The following SPRED1 variants were observed in gnomAD, a reference collection of about 807,000 sequenced individuals.
SPRED1 encodes sprouty-related, EVH1 domain-containing protein 1.
Under a neutral mutation model 52.3 loss-of-function variants are expected in SPRED1, and 18 were observed. The observed-to-expected ratio is 0.34, with a 90% CI of 0.24 to 0.51. SPRED1 has a LOEUF of 0.51. Among genes scored for constraint, SPRED1 ranks in the 20% least tolerant of loss-of-function variants. The probability of loss-of-function intolerance (pLI) is 0.97; values close to 1 mark genes in which losing one functional copy is unlikely to be tolerated. For synonymous variants in SPRED1, 155 were observed against 179.7 expected (o/e 0.86, Z 1.10); for missense variants, 485 against 551.0 (o/e 0.88, Z 1.20).
At chr15:38,332,817 C>T (rs1005157088) in intron 4 of SPRED1, among the ~76,000 whole-genome samples, 1 of 152,152 alleles carries the variant, frequency 6.6e-6, no homozygotes, top group African/African-American at 2.4e-5. Flanking sequence ...AGCAAAATGC[C>T]GTGACTGGGT....
intron 1 of SPRED1, among the ~76,000 whole-genome samples, chr15:38,277,611 T>C (rs1164046586): frequency 6.6e-6 from 1 of 152,176 alleles, no homozygotes; most frequent in Non-Finnish European, 1.5e-5. Flanking sequence ...GGTAGAATGA[T>C]TTATATTCCG....
chr15:38,331,113 C>T (rs1895797027), intron 4 of SPRED1, among the ~76,000 whole-genome samples: 1 of 152,076 alleles, frequency 6.6e-6, no homozygotes, highest in Non-Finnish European at 1.5e-5. Context: ...AGGCACTTAT[C>T]AACCATAAGA....
At chr15:38,267,546 C>G (rs966872464) in intron 1 of SPRED1, among the ~76,000 whole-genome samples, 3 of 152,014 alleles carry the variant, frequency 2.0e-5, no homozygotes, top group African/African-American at 7.2e-5. Context: ...TTCTTAGATT[C>G]CTTTTTTGTT....
intron 1 of SPRED1, among the ~76,000 whole-genome samples, chr15:38,278,832 T>TTTTTTTG (rs1424049443): frequency 1.3e-5 from 2 of 148,192 alleles, no homozygotes; most frequent in East Asian, 2.0e-4. Context: ...TACACTGTTT[T>TTTTTTTG]TTTTTTTTTT....
intron 1 of SPRED1, among the ~76,000 whole-genome samples, chr15:38,266,964 T>C (rs1894319464): frequency 6.6e-6 from 1 of 152,224 alleles, no homozygotes; most frequent in African/African-American, 2.4e-5. Flanking sequence ...TACTGGCTAA[T>C]AGCAGATCAT....
At chr15:38,320,976 TTAGTA>T in intron 2 of SPRED1, among the ~76,000 whole-genome samples, 1 of 152,286 alleles carries the variant, frequency 6.6e-6, no homozygotes, top group Admixed American at 6.5e-5. Flanking sequence ...AAAGGTGTTA[TTAGTA>T]TAGTAGGCAA....
rs142805086 is a variant in SPRED1 at position 38,348,009 on chromosome 15, G to A, written c.583-1413G>A. On this transcript the variant is annotated intron_variant, in intron 5 of 6. Coordinates refer to ENST00000299084, the MANE Select transcript of SPRED1 (RefSeq NM_152594.3). ...TTCATAGACCCTGTTGACTCAGGTA[G>A]TTTTCAAAGTGTGTATGTGTTTAAG... 2.5e-3 allele frequency among the ~76,000 whole-genome samples: 385 copies of A among 152,098 alleles called. 2 individuals carry two copies. The highest frequency in any genetic ancestry group is 3.3e-3 in the Non-Finnish European group (224 of 67,888).
At chr15:38,338,038 TAAAAAAA>T (rs66632536) in intron 4 of SPRED1, among the ~76,000 whole-genome samples, 1 of 88,912 alleles carries the variant, frequency 1.1e-5, no homozygotes, top group Non-Finnish European at 2.2e-5. Flanking sequence ...CCATTGCTAC[TAAAAAAA>T]AAAAAAAAAA....
intron 4 of SPRED1, chr15:38,325,934 T>G (rs1895703065): frequency 6.6e-6 from 1 of 152,176 alleles, no homozygotes; most frequent in South Asian, 2.1e-4. Flanking sequence ...GGGAATGATT[T>G]TTGACTAATG....
At chr15:38,306,457 G>A (rs1226518440) in intron 2 of SPRED1, among the ~76,000 whole-genome samples, 2 of 152,134 alleles carry the variant, frequency 1.3e-5, no homozygotes, top group Non-Finnish European at 2.9e-5. Context: ...CAATTTTGCT[G>A]TGAAGAATTG....
chr15:38,262,765 A>C (rs1176730447), intron 1 of SPRED1, among the ~76,000 whole-genome samples: 1 of 152,222 alleles, frequency 6.6e-6, no homozygotes, highest in Non-Finnish European at 1.5e-5. Flanking sequence ...ACTGGTTAGT[A>C]ATAAGATGAA....
At chr15:38,327,733 CA>C (rs1436774276) in intron 4 of SPRED1, among the ~76,000 whole-genome samples, 1 of 152,144 alleles carries the variant, frequency 6.6e-6, no homozygotes, top group Non-Finnish European at 1.5e-5. Context: ...GACTATGAGC[CA>C]GAATCACCCA....
intron 3 of SPRED1, among the ~76,000 whole-genome samples, chr15:38,323,369 C>T (rs554696627): frequency 2.6e-5 from 4 of 151,910 alleles, no homozygotes; most frequent in African/African-American, 9.7e-5. Context: ...TAATAGTAGC[C>T]ATTTTGTCTT....
At position 38,271,693 on chromosome 15, in the gene SPRED1, G is replaced by A. The variant is rs1173530288; in HGVS notation, c.32+18476G>A. On this transcript the variant is annotated intron_variant, in intron 1 of 6. Transcript: ENST00000299084. ...TAGAGATATTGATTCCCTGCTAGAG[G>A]AAATACATTTTTCCCAGGAGAGTGA... Among the ~76,000 whole-genome samples, 4 of 152,130 alleles carry A rather than the reference G, an allele frequency of 2.6e-5. No individual in the cohort carries two copies. In the East Asian group the frequency reaches 5.8e-4, roughly 22 times the overall value.
At chr15:38,304,750 G>A (rs907977430) in intron 2 of SPRED1, among the ~76,000 whole-genome samples, 7 of 151,922 alleles carry the variant, frequency 4.6e-5, no homozygotes, top group African/African-American at 1.5e-4. Context: ...TTCCATTTGA[G>A]GAATTTTATA....
In SPRED1 at chr15:38,312,771, C is replaced by T. The variant is rs1895394530; in HGVS notation, c.208-9470C>T. On this transcript the variant is annotated intron_variant, in intron 2 of 6. Coordinates refer to ENST00000299084, the MANE Select transcript of SPRED1 (RefSeq NM_152594.3). ...CTTGTTTCACTTAAGTTTTCATATT[C>T]AGGGTCATAAACCTTTATATTGTAT... Among the ~76,000 whole-genome samples the T allele has an allele frequency of 2.6e-5, 4 of 151,986 alleles. No homozygotes were observed. In the South Asian group the frequency reaches 6.2e-4, roughly 24 times the overall value.
At chr15:38,296,518 C>A (rs1037839010) in intron 1 of SPRED1, among the ~76,000 whole-genome samples, 2 of 152,112 alleles carry the variant, frequency 1.3e-5, no homozygotes, top group African/African-American at 4.8e-5. Context: ...TGTGTTTGGT[C>A]ATCTTCTTTT....
At chr15:38,293,788 C>T (rs746563237) in intron 1 of SPRED1, among the ~76,000 whole-genome samples, 1 of 152,128 alleles carries the variant, frequency 6.6e-6, no homozygotes. Flanking sequence ...TGTCTACTGT[C>T]ATCTTTTGAA....
rs10220731 is a variant in SPRED1 at position 38,299,099 on chromosome 15, A to G, written c.33-274A>G. On this transcript the variant is annotated intron_variant, in intron 1 of 6. Coordinates refer to ENST00000299084, the MANE Select transcript of SPRED1 (RefSeq NM_152594.3). ...TCACAACTTGTTCCGTGGCAATCAG[A>G]TGTGCTGGAACTACTGAAATGATGA... Among the ~76,000 whole-genome samples the G allele has an allele frequency of 0.83, 125,642 of 152,130 alleles. 52,633 individuals carry two copies. Among genetic ancestry groups the G allele is most frequent in the Non-Finnish European group, 0.9 (60,982 of 68,022 alleles).
Sources: allele counts gnomAD v4.1 joint callset (sites outside exome capture counted in the v4.1 genomes callset), GRCh38; gene constraint gnomAD v4.1.1; transcripts MANE v1.5; gene names NCBI Gene and HGNC (gene_info 2026-07-23, HGNC 2026-07-21).